CYSLTR2: variants seen among roughly 807,000 people sequenced by gnomAD.
The protein encoded by CYSLTR2 is G-protein coupled receptor GPCR21.
For missense variants in CYSLTR2, 398 were observed against 411.9 expected (o/e 0.97, Z 0.29); for synonymous variants, 179 against 160.8 (o/e 1.11, Z -0.86).
At chr13:48,684,248 A>G (rs1310583798) in intron 1 of CYSLTR2, among the ~76,000 whole-genome samples, 2 of 151,994 alleles carry the variant, frequency 1.3e-5, no homozygotes, top group Non-Finnish European at 2.9e-5. Context: ...TGACTGGATG[A>G]GTTATCAGGG....
Position 48,691,595 on chromosome 13 carries a change from G to A in CYSLTR2, c.-176+294G>A, listed in dbSNP as rs574893709. Among the ~76,000 whole-genome samples, 240 of 152,154 alleles carry A rather than the reference G, an allele frequency of 1.6e-3. 2 individuals are homozygous for A. The highest frequency in any genetic ancestry group is 7.7e-4 in the East Asian group (4 of 5,192). ...CTATGCTGTGACTACTAGAGCTAAT[G>A]AAAGACTGAAATAAACAATAGATTT... On this transcript the variant is annotated intron_variant, in intron 2 of 4. Coordinates refer to ENST00000682523, the MANE Select transcript of CYSLTR2 (RefSeq NM_001308476.3).
rs543709226 is a variant in CYSLTR2, at chr13:48,701,277, A to C, written c.-2+4651A>C. ...CCAAAACATCACGGTACTGGTACCAAAACAGAGATATAGACCAATGGAACA... is the reference window on the plus strand; with the variant it reads ...CCAAAACATCACGGTACTGGTACCACAACAGAGATATAGACCAATGGAACA... On this transcript the variant is annotated intron_variant, in intron 4 of 4. Transcript: ENST00000682523. Among the ~76,000 whole-genome samples, 16 of 152,358 alleles carry C rather than the reference A, an allele frequency of 1.1e-4. No homozygotes were observed. In the South Asian group the frequency reaches 3.3e-3, roughly 32 times the overall value.
chr13:48,696,878 G>A (rs892018160), intron 4 of CYSLTR2, among the ~76,000 whole-genome samples: 27 of 152,110 alleles, frequency 1.8e-4, no homozygotes, highest in Non-Finnish European at 3.1e-4. Flanking sequence ...CGCCCGGCTC[G>A]GAGGGTCCCA....
At chr13:48,697,759 A>T (rs1954231746) in intron 4 of CYSLTR2, among the ~76,000 whole-genome samples, 1 of 152,212 alleles carries the variant, frequency 6.6e-6, no homozygotes, top group South Asian at 2.1e-4. Flanking sequence ...CAAAGAAGCT[A>T]AAAACCTTGA....
intron 4 of CYSLTR2, among the ~76,000 whole-genome samples, chr13:48,699,063 A>G (rs972481736): frequency 6.6e-6 from 1 of 152,198 alleles, no homozygotes; most frequent in Non-Finnish European, 1.5e-5. Context: ...ACTCCCACAC[A>G]ATAATAATGG....
At chr13:48,666,509 T>C (rs1953265132) in intron 1 of CYSLTR2, among the ~76,000 whole-genome samples, 1 of 152,148 alleles carries the variant, frequency 6.6e-6, no homozygotes, top group Non-Finnish European at 1.5e-5. Context: ...TTTTCTCCTC[T>C]CTTTGCCTTC....
chr13:48,707,876 C>A lies in CYSLTR2; in HGVS notation c.*18C>A, dbSNP rs776560888. 37 of 1,500,762 alleles carry A rather than the reference C, an allele frequency of 2.5e-5. 3 individuals carry two copies. The South Asian group carries it at 5.2e-4, about 21-fold the overall frequency. The allele number at this position is 1,500,762 out of a possible 1,614,324, so 93.0% of individuals were successfully genotyped here. ...GAGTATAAGGAGCTCTTAGATGAGA[C>A]CTGTTCTTGTATCCTTGTGTCCATC... On this transcript the variant is annotated 3_prime_UTR_variant, in exon 5 of 5. Coordinates refer to ENST00000682523, the MANE Select transcript of CYSLTR2 (RefSeq NM_001308476.3).
At chr13:48,662,634 C>T (rs958772789) in intron 1 of CYSLTR2, among the ~76,000 whole-genome samples, 4 of 152,092 alleles carry the variant, frequency 2.6e-5, no homozygotes, top group African/African-American at 9.7e-5. Flanking sequence ...TTTCATATAC[C>T]TGTTGACCAT....
chr13:48,701,334 C>T (rs887999713), intron 4 of CYSLTR2, among the ~76,000 whole-genome samples: 1 of 152,170 alleles, frequency 6.6e-6, no homozygotes, highest in Non-Finnish European at 1.5e-5. Flanking sequence ...TACCATACAT[C>T]TACAAGCATC....
At chr13:48,700,869 A>G (rs1231677010) in intron 4 of CYSLTR2, among the ~76,000 whole-genome samples, 1 of 152,054 alleles carries the variant, frequency 6.6e-6, no homozygotes, top group African/African-American at 2.4e-5. Flanking sequence ...ATAACAGACA[A>G]ACAAAGAGCC....
intron 1 of CYSLTR2, among the ~76,000 whole-genome samples, chr13:48,680,212 C>G (rs1021122759): frequency 2.0e-5 from 3 of 152,152 alleles, no homozygotes; most frequent in African/African-American, 4.8e-5. Flanking sequence ...AGATTCAAAT[C>G]TGGGAACCAA....
intron 4 of CYSLTR2, among the ~76,000 whole-genome samples, chr13:48,697,059 C>T (rs927264944): frequency 6.6e-6 from 1 of 152,194 alleles, no homozygotes; most frequent in Admixed American, 6.5e-5. Flanking sequence ...GGCCTGTCTG[C>T]CTTTGTAGAC....
At position 48,710,577 on chromosome 13, in the gene CYSLTR2, A is replaced by C. The variant is rs754981229; in HGVS notation, c.*2719A>C. 6 of 152,364 alleles carry C rather than the reference A, an allele frequency of 3.9e-5. No individual in the cohort carries two copies. The highest frequency in any genetic ancestry group is 1.4e-4 in the African/African-American group (6 of 41,588). The allele number at this position is 152,364 out of a possible 1,614,324, so 9.4% of individuals were successfully genotyped here. A position where few individuals can be genotyped will look rare whatever the true frequency, so the allele number is the denominator to read the frequency against. ...TCTTGACTTAATAAGGAAAGAAAAA[A>C]AACACATGCTGAAGTTGCTAAGATC... On this transcript the variant is annotated 3_prime_UTR_variant, in exon 5 of 5. Coordinates refer to ENST00000682523, the MANE Select transcript of CYSLTR2 (RefSeq NM_001308476.3).
At chr13:48,680,273 T>C (rs1953713249) in intron 1 of CYSLTR2, among the ~76,000 whole-genome samples, 1 of 152,114 alleles carries the variant, frequency 6.6e-6, no homozygotes, top group Non-Finnish European at 1.5e-5. Flanking sequence ...GAGGGGTTAG[T>C]GGGGGAGGAG....
At chr13:48,702,190 C>G (rs1227434195) in intron 4 of CYSLTR2, among the ~76,000 whole-genome samples, 1 of 144,772 alleles carries the variant, frequency 6.9e-6, no homozygotes, top group Admixed American at 7.5e-5. Flanking sequence ...TGTTCTCACT[C>G]ATAGGTGGGA....
At position 48,707,570 on chromosome 13, in the gene CYSLTR2, C is replaced by T; in HGVS notation, c.753C>T (p.Ile251=). 16 of 1,608,928 alleles carry T rather than the reference C, an allele frequency of 9.9e-6. No individual in the cohort carries two copies. The highest frequency in any genetic ancestry group is 1.4e-5 in the Non-Finnish European group (16 of 1,179,998). ...SHRKALTTII[I]TLIIFFLCFL... is the part of the protein sequence containing the mutation. The stretch of plus-strand genomic sequence containing the variant: ...GGAAGGCACTGACCACCATCATCAT[C>T]ACCTTGATCATCTTCTTCTTGTGTT... Residue 251 remains isoleucine (I), a synonymous_variant, in exon 5 of 5, where the codon ATC becomes ATT. Transcript: ENST00000682523.
At chr13:48,691,668 GACTTCTCATGACA>G (rs1954042962) in intron 2 of CYSLTR2, among the ~76,000 whole-genome samples, 1 of 152,078 alleles carries the variant, frequency 6.6e-6, no homozygotes, top group East Asian at 1.9e-4. Flanking sequence ...TGTTTGTTCA[GACTTCTCATGACA>G]AAAAAGAAAA....
chr13:48,664,187 T>G (rs569750732), intron 1 of CYSLTR2, among the ~76,000 whole-genome samples: 1 of 152,176 alleles, frequency 6.6e-6, no homozygotes, highest in South Asian at 2.1e-4. Flanking sequence ...TTGATCATGG[T>G]GTATTGTGTT....
chr13:48,694,548 AT>A (rs1954117616), intron 3 of CYSLTR2: 1 of 152,262 alleles, frequency 6.6e-6, no homozygotes, highest in Non-Finnish European at 1.5e-5. Context: ...TCAACAAAAT[AT>A]CAGAGCCTAG....
Sources: gnomAD v4.1 joint callset for allele counts (sites outside exome capture counted in the v4.1 genomes callset) on GRCh38, gnomAD v4.1.1 for gene constraint, MANE v1.5 for transcripts, NCBI Gene and HGNC (gene_info 2026-07-23, HGNC 2026-07-21) for gene names.